USP6: variants seen among roughly 807,000 people sequenced by gnomAD.
USP6 encodes ubiquitin specific peptidase 6, also known as ubiquitin carboxyl-terminal hydrolase 6.
USP6 carries 128 observed loss-of-function variants against 175.7 expected under a neutral mutation model. The ratio of observed to expected loss-of-function variants is 0.73; its 90% CI spans 0.63 to 0.84. USP6 has a LOEUF of 0.84. USP6 is among the 40% of genes least tolerant of loss of function. USP6 has a pLI of 0.00. For synonymous variants in USP6, 562 were observed against 630.6 expected (o/e 0.89, Z 1.63); for missense variants, 1,498 against 1,760.3 (o/e 0.85, Z 2.67).
rs756544919 is a variant in USP6, at chr17:5,170,709, G to T, written c.3748G>T (p.Gly1250Trp). ...ADALSRGHMRGGSQPELVTPQ... is the reference protein window; with the variant it reads ...ADALSRGHMRWGSQPELVTPQ... ...CGCCTTGAGCCGAGGGCATATGCGG[G>T]GGGGCAGCCAACCAGAGCTGGTCAC... Residue 1250 changes from glycine to tryptophan, a missense_variant, in exon 36 of 38, where the codon GGG becomes TGG. Gly to Trp is a radical substitution (Grantham distance 184). Around this residue, in one of 2 missense-constraint regions of USP6, gnomAD observed 1,217 missense variants for 1,500.8 expected, o/e 0.81. Coordinates refer to ENST00000574788, the MANE Select transcript of USP6 (RefSeq NM_001304284.2). 14 of 1,613,856 alleles carry T rather than the reference G, an allele frequency of 8.7e-6. No individual in the cohort carries two copies. Among genetic ancestry groups the T allele is most frequent in the South Asian group, 5.5e-5 (5 of 91,078 alleles).
intron 1 of USP6, among the ~76,000 whole-genome samples, chr17:5,117,328 C>T (rs2072560178): frequency 6.6e-6 from 1 of 151,918 alleles, no homozygotes; most frequent in Admixed American, 6.6e-5. Context: ...CCAGCCTGAC[C>T]AACATGGTGA....
At chr17:5,123,494 A>G (rs1020711437) in intron 4 of USP6, among the ~76,000 whole-genome samples, 51 of 152,168 alleles carry the variant, frequency 3.4e-4, no homozygotes, top group African/African-American at 1.1e-3. Context: ...GGCAGCAAAC[A>G]CGCAGGGTGA....
Position 5,173,930 on chromosome 17 carries a change from TAAAA to T in USP6, c.*955_*958del, listed in dbSNP as rs1213262187. ...TCTTTTCTGTGTTTGTTTTGCACTTTAAAAAAGAGAGAACACATGCAAATGAACT... is the reference window on the plus strand; with the variant it reads ...TCTTTTCTGTGTTTGTTTTGCACTTTAAGAGAGAACACATGCAAATGAACT... On this transcript the variant is annotated 3_prime_UTR_variant, in exon 38 of 38. Transcript: ENST00000574788. 1 of 219,112 alleles carries T rather than the reference TAAAA, an allele frequency of 4.6e-6. No homozygotes were observed. Among genetic ancestry groups the T allele is most frequent in the African/African-American group, 2.2e-5 (1 of 44,550 alleles). 13.6% of individuals were successfully genotyped at this position (219,112 alleles called of 1,614,324 possible).
chr17:5,141,285 C>A, intron 22 of USP6, 140 bp from the exon 23 acceptor site: 3 of 690,716 alleles, frequency 4.3e-6, no homozygotes, highest in Non-Finnish European at 5.0e-6. Context: ...CATCATTAAG[C>A]AATGCATGTA....
At position 5,161,520 on chromosome 17, in the gene USP6, T is replaced by C. The variant is rs1303164207; in HGVS notation, c.2829-8T>C. ...TTCTTACACTCTTTTTGTTCTCTTC[T>C]GTTTCAGTGATAACTGTATGGGCTA... On this transcript the variant is annotated splice_region_variant and splice_polypyrimidine_tract_variant and intron_variant, in intron 31 of 37. Transcript: ENST00000574788. 1 of 1,613,418 alleles carries C rather than the reference T, an allele frequency of 6.2e-7. No homozygotes were observed. Among genetic ancestry groups the C allele is most frequent in the Admixed American group, 1.7e-5 (1 of 59,974 alleles).
rs780833261 is a variant in USP6, at chr17:5,133,981, A to G, written c.479A>G (p.Asp160Gly). 1 of 1,613,998 alleles carries G rather than the reference A, an allele frequency of 6.2e-7. No homozygotes were observed. Among genetic ancestry groups the G allele is most frequent in the South Asian group, 1.1e-5 (1 of 91,076 alleles). Reference sequence around the variant, plus strand: ...CTCCGGAACCATGTCTTCTTTAGGGATCGATATGGAGCCAAGTAAGCCTAC... The same window carrying G: ...CTCCGGAACCATGTCTTCTTTAGGGGTCGATATGGAGCCAAGTAAGCCTAC... ...TTLRNHVFFRDRYGAKQRELF... is the reference protein window; with the variant it reads ...TTLRNHVFFRGRYGAKQRELF... Residue 160 changes from aspartate (D) to glycine (G), a missense_variant, in exon 15 of 38, where the codon GAT (aspartate) becomes GGT (glycine). Physicochemically the swap from Asp to Gly is moderately conservative, Grantham distance 94 (BLOSUM62 -1). Around this residue, in one of 2 missense-constraint regions of USP6, gnomAD observed 281 missense variants for 259.6 expected, o/e 1.08. Coordinates refer to ENST00000574788, the MANE Select transcript of USP6 (RefSeq NM_001304284.2).
At chr17:5,169,590 C>T (rs1214657881) in intron 35 of USP6, among the ~76,000 whole-genome samples, 1 of 152,082 alleles carries the variant, frequency 6.6e-6, no homozygotes, top group African/African-American at 2.4e-5. Flanking sequence ...TACAGGCATG[C>T]ACCACTGCAC....
At chr17:5,141,524 A>G in intron 23 of USP6, 25 bp downstream of exon 23, 2 of 1,547,720 alleles carry the variant, frequency 1.3e-6, no homozygotes, top group Non-Finnish European at 1.7e-6. Flanking sequence ...TTATTTTTTA[A>G]AGAGATTATT....
At chr17:5,172,274 A>G (rs970543697) in intron 37 of USP6, among the ~76,000 whole-genome samples, 21 of 151,580 alleles carry the variant, frequency 1.4e-4, no homozygotes, top group East Asian at 3.9e-4. Context: ...GCTCATGCCT[A>G]TAATCCCAGC....
In USP6 at chr17:5,120,782, C is replaced by T. The variant is rs1567765610; in HGVS notation, c.-1681C>T. ...ACAAGGATGCCAAGGGCTGTTTCTTCAGCATGGTGGGTGGCCATATGTAAG... is the reference window on the plus strand; with the variant it reads ...ACAAGGATGCCAAGGGCTGTTTCTTTAGCATGGTGGGTGGCCATATGTAAG... On this transcript the variant is annotated 5_prime_UTR_variant, in exon 3 of 38. Transcript: ENST00000574788. 8 of 447,646 alleles carry T rather than the reference C, an allele frequency of 1.8e-5. No individual in the cohort carries two copies. The highest frequency in any genetic ancestry group is 3.1e-5 in the Non-Finnish European group (7 of 223,230). 27.7% of individuals were successfully genotyped at this position (447,646 alleles called of 1,614,324 possible). A position where few individuals can be genotyped will look rare whatever the true frequency, so the allele number is the denominator to read the frequency against.
At chr17:5,135,347 TG>T in intron 16 of USP6, 65 bp downstream of exon 16, 1 of 1,584,678 alleles carries the variant, frequency 6.3e-7, no homozygotes, top group Non-Finnish European at 8.7e-7. Context: ...GGGTGTCTGG[TG>T]GGGGTGTCGT....
intron 22 of USP6, among the ~76,000 whole-genome samples, chr17:5,140,331 G>A (rs927731009): frequency 2.6e-5 from 4 of 152,178 alleles, no homozygotes; most frequent in African/African-American, 7.2e-5. Flanking sequence ...TTGAGAGGTC[G>A]AGGCGGGAGG....
intron 30 of USP6, among the ~76,000 whole-genome samples, chr17:5,153,006 C>CA (rs915245974): frequency 4.0e-5 from 6 of 151,210 alleles, no homozygotes; most frequent in South Asian, 2.1e-4. Context: ...AAAAAACAAA[C>CA]AAAAAAAATG....
rs968517238 is a variant in USP6, at chr17:5,136,883, G to T, written c.759+149G>T. On this transcript the variant is annotated intron_variant, in intron 18 of 37. Coordinates refer to ENST00000574788, the MANE Select transcript of USP6 (RefSeq NM_001304284.2). ...GGACGTCGGGTTCTCCATGGGCTGG[G>T]AGTTGGTTTCCTTTCATGCCCTGGA... 1.8e-5 allele frequency: 24 copies of T among 1,370,576 alleles called. No individual in the cohort carries two copies. In the African/African-American group the frequency reaches 3.3e-4, roughly 19 times the overall value. The allele number at this position is 1,370,576 out of a possible 1,614,324, so 84.9% of individuals were successfully genotyped here. A position where few individuals can be genotyped will look rare whatever the true frequency, so the allele number is the denominator to read the frequency against.
rs766078594 is a variant in USP6, at chr17:5,170,706, C to T, written c.3745C>T (p.Arg1249Trp). The T allele has an allele frequency of 1.1e-5, 18 of 1,613,644 alleles. No individual in the cohort carries two copies. Among genetic ancestry groups the T allele is most frequent in the Admixed American group, 1.7e-5 (1 of 59,966 alleles). ...LADALSRGHMRGGSQPELVTP... is the reference protein window; with the variant it reads ...LADALSRGHMWGGSQPELVTP... ...TGACGCCTTGAGCCGAGGGCATATG[C>T]GGGGGGGCAGCCAACCAGAGCTGGT... The change falls in exon 36 of 38, where the codon CGG (arginine) becomes TGG (tryptophan). Residue 1249 changes from arginine to tryptophan, a missense_variant. By Grantham distance (101) the Arg-to-Trp change is moderately radical. Coordinates refer to ENST00000574788, the MANE Select transcript of USP6 (RefSeq NM_001304284.2).
chr17:5,154,372 A>G (rs531337043), intron 30 of USP6, among the ~76,000 whole-genome samples: 42 of 152,322 alleles, frequency 2.8e-4, no homozygotes, highest in Non-Finnish European at 4.7e-4. Context: ...GCAGCTTTGG[A>G]TAACCTTGAA....
At chr17:5,133,650 G>GGGGGGGA in intron 14 of USP6, 100 bp downstream of exon 14, 1 of 556,556 alleles carries the variant, frequency 1.8e-6, no homozygotes, top group Non-Finnish European at 3.5e-6. Flanking sequence ...GGGGGGGTGG[G>GGGGGGGA]AGGGGATGGT....
chr17:5,173,172 T>A lies in USP6; in HGVS notation c.*194T>A. 1.3e-6 allele frequency: 1 copy of A among 752,190 alleles called. No individual in the cohort carries two copies. Among genetic ancestry groups the A allele is most frequent in the Non-Finnish European group, 2.0e-6 (1 of 491,362 alleles). The allele number at this position is 752,190 out of a possible 1,614,324, so 46.6% of individuals were successfully genotyped here. ...TTGAAGTCTCATACAAGCTGTCTGATAGAGAACTTTCAGGCAGATCCCACC... is the reference window on the plus strand; with the variant it reads ...TTGAAGTCTCATACAAGCTGTCTGAAAGAGAACTTTCAGGCAGATCCCACC... On this transcript the variant is annotated 3_prime_UTR_variant, in exon 38 of 38. Transcript: ENST00000574788.
rs1171355180 is a variant in USP6 at position 5,140,312 on chromosome 17, C to T, written c.1498+638C>T. Among the ~76,000 whole-genome samples the T allele has an allele frequency of 4.6e-5, 7 of 152,148 alleles. No individual in the cohort carries two copies. The East Asian group carries it at 7.7e-4, about 17-fold the overall frequency. ...GGGTGTGGTGGCTCACACCTGTAAT[C>T]CCAGCAATTTGAGAGGTCGAGGCGG... On this transcript the variant is annotated intron_variant, in intron 22 of 37. Transcript: ENST00000574788.
Sources: allele counts gnomAD v4.1 joint callset (sites outside exome capture counted in the v4.1 genomes callset), GRCh38; gene constraint gnomAD v4.1.1; regional missense constraint gnomAD v4.1.1; transcripts MANE v1.5; gene names NCBI Gene and HGNC (gene_info 2026-07-23, HGNC 2026-07-21).